HS1BP3: variants seen among roughly 807,000 people sequenced by gnomAD.
HS1BP3 encodes HCLS1-binding protein 3.
Under a neutral mutation model 33.5 loss-of-function variants are expected in HS1BP3, and 32 were observed. The observed-to-expected ratio is 0.95, with a 90% CI of 0.72 to 1.28. HS1BP3 has a LOEUF of 1.28. HS1BP3 is among the 50% of genes most tolerant of loss of function. The pLI, the probability that HS1BP3 is intolerant of heterozygous loss-of-function variation, is 0.00. For synonymous variants in HS1BP3, 187 were observed against 209.2 expected (o/e 0.89, Z 0.92); for missense variants, 486 against 502.3 (o/e 0.97, Z 0.31).
chr2:20,627,684 C>T (rs926854454), intron 4 of HS1BP3, among the ~76,000 whole-genome samples: 1 of 152,188 alleles, frequency 6.6e-6, no homozygotes, highest in African/African-American at 2.4e-5. Flanking sequence ...GGTCTGTACC[C>T]TACCCCCACC....
At chr2:20,562,485 AT>A (rs1438458952) in intron 5 of HS1BP3, among the ~76,000 whole-genome samples, 3 of 152,250 alleles carry the variant, frequency 2.0e-5, no homozygotes, top group Non-Finnish European at 4.4e-5. Flanking sequence ...TGTCTAAAAA[AT>A]AAAAATAAAA....
At chr2:20,629,369 C>T (rs1694900546) in intron 4 of HS1BP3, among the ~76,000 whole-genome samples, 1 of 152,230 alleles carries the variant, frequency 6.6e-6, no homozygotes, top group African/African-American at 2.4e-5. Context: ...CAGGGCCTGG[C>T]TCTGCAGTGC....
At chr2:20,601,847 C>T (rs1448383233) in intron 2 of HS1BP3, among the ~76,000 whole-genome samples, 2 of 128,720 alleles carry the variant, frequency 1.6e-5, no homozygotes, top group African/African-American at 2.9e-5. Flanking sequence ...GGCGTGATCT[C>T]GGCTCACTGC....
At chr2:20,634,076 G>A (rs920836601) in intron 4 of HS1BP3, among the ~76,000 whole-genome samples, 4 of 152,252 alleles carry the variant, frequency 2.6e-5, no homozygotes, top group Admixed American at 6.5e-5. Context: ...CAGAGAACTC[G>A]TCCAGCAGGT....
chr2:20,611,747 G>T lies in HS1BP3; in HGVS notation c.178+12149C>A, dbSNP rs1050770022. 6.6e-6 allele frequency among the ~76,000 whole-genome samples: 1 copy of T among 152,132 alleles called. No homozygotes were observed. The highest frequency in any genetic ancestry group is 1.5e-5 in the Non-Finnish European group (1 of 68,026). On this transcript the variant is annotated intron_variant, in intron 2 of 3. Transcript: ENST00000415264. The surrounding 1 kb of genome is among the most constrained non-coding windows in gnomAD (Gnocchi z 4.9). ...AGGGCCCCTTTCTGGGTCTCCAGTGGTTTTGTATGTGCCCATTCCCATGCC... is the reference window on the plus strand; with the variant it reads ...AGGGCCCCTTTCTGGGTCTCCAGTGTTTTTGTATGTGCCCATTCCCATGCC...
chr2:20,561,701 C>T (rs1356082127), intron 5 of HS1BP3, among the ~76,000 whole-genome samples: 1 of 152,200 alleles, frequency 6.6e-6, no homozygotes, highest in Non-Finnish European at 1.5e-5. Flanking sequence ...TGCTGTGATA[C>T]TGTGATGTAA....
At chr2:20,606,565 G>T (rs943236513) in intron 2 of HS1BP3, 8 of 487,388 alleles carry the variant, frequency 1.6e-5, no homozygotes, top group African/African-American at 1.4e-4. Context: ...TCTTCTTTTT[G>T]GCCTTGTCCC....
Position 20,611,174 on chromosome 2 carries a change from AC to A in HS1BP3, c.178+12721del, listed in dbSNP as rs1327857373. On this transcript the variant is annotated intron_variant, in intron 2 of 3. Coordinates refer to the HS1BP3 transcript ENST00000415264. The surrounding 1 kb of genome is among the most constrained non-coding windows in gnomAD (Gnocchi z 4.9). ...CAGCATTCCGCTGCATCCATGTGCC[AC>A]TGTTTGCTTGTTCATTGACCGTTTG... 7.9e-5 allele frequency among the ~76,000 whole-genome samples: 12 copies of A among 152,208 alleles called. No homozygotes were observed. Among genetic ancestry groups the A allele is most frequent in the African/African-American group, 2.4e-4 (10 of 41,462 alleles).
At chr2:20,559,930 T>C (rs1692949031), downstream of HS1BP3, among the ~76,000 whole-genome samples, 1 of 152,196 alleles carries the variant, frequency 6.6e-6, no homozygotes. Context: ...CACAAGGCAG[T>C]TCAGAGGTTG....
At chr2:20,583,648 C>T (rs905048752) in intron 5 of HS1BP3, among the ~76,000 whole-genome samples, 1 of 152,154 alleles carries the variant, frequency 6.6e-6, no homozygotes, top group South Asian at 2.1e-4. Context: ...AGGCACCAGC[C>T]CACATCATCT....
At chr2:20,619,877 CCA>C (rs1558337436) in intron 6 of HS1BP3, among the ~76,000 whole-genome samples, 1 of 152,192 alleles carries the variant, frequency 6.6e-6, no homozygotes, top group Non-Finnish European at 1.5e-5. Flanking sequence ...CTTGGCCCGC[CCA>C]CAGTGCCCCG....
intron 5 of HS1BP3, among the ~76,000 whole-genome samples, chr2:20,585,553 C>A (rs1331410096): frequency 6.6e-6 from 1 of 152,160 alleles, no homozygotes; most frequent in East Asian, 1.9e-4. Context: ...AGTGGCAGAC[C>A]CAGAAACATA....
At chr2:20,607,605 T>A (rs1270956879) in intron 2 of HS1BP3, among the ~76,000 whole-genome samples, 1 of 152,264 alleles carries the variant, frequency 6.6e-6, no homozygotes, top group African/African-American at 2.4e-5. Flanking sequence ...ATCCAGTTGA[T>A]CTATATGTCT....
rs186112913 is a variant in HS1BP3, at chr2:20,607,276, C to T, written c.179-9011G>A. Among the ~76,000 whole-genome samples, 10 of 152,160 alleles carry T rather than the reference C, an allele frequency of 6.6e-5. No individual in the cohort carries two copies. The East Asian group carries it at 1.9e-3, about 29-fold the overall frequency. ...GTTCAAGCAATTCTCCTGCCTTGGCCTCCTGAGTAGCTGGAGTTACAGACA... is the reference window on the plus strand; with the variant it reads ...GTTCAAGCAATTCTCCTGCCTTGGCTTCCTGAGTAGCTGGAGTTACAGACA... On this transcript the variant is annotated intron_variant, in intron 2 of 3. Coordinates refer to the HS1BP3 transcript ENST00000415264.
At chr2:20,649,036 T>C (rs141089567) in intron 1 of HS1BP3, among the ~76,000 whole-genome samples, 325 of 152,324 alleles carry the variant, frequency 2.1e-3, no homozygotes, top group African/African-American at 7.6e-3. Context: ...CACCACCGGC[T>C]CTACATGGAA....
chr2:20,631,130 G>C lies in HS1BP3; in HGVS notation c.624-6238C>G, dbSNP rs370723060. 6.6e-5 allele frequency among the ~76,000 whole-genome samples: 10 copies of C among 152,274 alleles called. No homozygotes were observed. The East Asian group carries it at 1.9e-3, about 29-fold the overall frequency. On this transcript the variant is annotated intron_variant, in intron 4 of 6. Transcript: ENST00000304031. ...GGATGCAAGTCAGCGCAGGGCCGTG[G>C]CAGAGGTCTGGGGTCCTGGGAGCTG...
At chr2:20,609,519 C>T (rs1171886134) in intron 2 of HS1BP3, among the ~76,000 whole-genome samples, 2 of 152,184 alleles carry the variant, frequency 1.3e-5, no homozygotes, top group East Asian at 3.9e-4. Context: ...CTCCTCTTGG[C>T]TTCATTCCAG....
chr2:20,629,989 AC>A (rs1694921985), intron 4 of HS1BP3, among the ~76,000 whole-genome samples: 1 of 152,190 alleles, frequency 6.6e-6, no homozygotes, highest in African/African-American at 2.4e-5. Flanking sequence ...GCCCACCCAC[AC>A]AGCAGACCAC....
At chr2:20,631,216 A>G (rs1158969871) in intron 4 of HS1BP3, among the ~76,000 whole-genome samples, 1 of 152,032 alleles carries the variant, frequency 6.6e-6, no homozygotes, top group Non-Finnish European at 1.5e-5. Flanking sequence ...TGGGCCTTAA[A>G]AAGCAAATGG....
Sources: gnomAD v4.1 joint callset for allele counts (sites outside exome capture counted in the v4.1 genomes callset) on GRCh38, gnomAD v4.1.1 for gene constraint, Gnocchi (gnomAD v3.1) non-coding constraint, MANE v1.5 for transcripts, NCBI Gene and HGNC (gene_info 2026-07-23, HGNC 2026-07-21) for gene names.